Variants in CNTN5 observed in about 807,000 individuals in gnomAD.
CNTN5 encodes the protein contactin-5.
A neutral mutation model predicts 129.1 loss-of-function variants in CNTN5; 77 were observed. That is an observed-to-expected ratio of 0.60 (90% confidence interval 0.50 to 0.72). The LOEUF is 0.72. CNTN5 is among the 30% of genes least tolerant of loss of function. CNTN5 has a pLI of 0.00. For synonymous variants in CNTN5, 509 were observed against 465.6 expected, an observed-to-expected ratio of 1.09 and a Z score of -1.20; for missense variants, 1,478 against 1,328.8, an observed-to-expected ratio of 1.11 and a Z score of -1.75.
chr11:100,251,367 G>C (rs1017110661), intron 16 of CNTN5, among the ~76,000 whole-genome samples: 3 of 152,098 alleles, frequency 2.0e-5, no homozygotes, highest in African/African-American at 7.2e-5. Flanking sequence ...ACTGTACAGT[G>C]ATCAGATCAA....
intron 3 of CNTN5, among the ~76,000 whole-genome samples, chr11:99,731,983 T>A (rs73552039): frequency 0.056 from 8,577 of 152,248 alleles, 596 homozygotes; most frequent in African/African-American, 0.16. Context: ...TGTATATAAA[T>A]GCCCATTTGA....
intron 2 of CNTN5, among the ~76,000 whole-genome samples, chr11:99,343,305 G>C (rs1015674920): frequency 2.0e-5 from 3 of 152,220 alleles, no homozygotes; most frequent in African/African-American, 7.2e-5. Flanking sequence ...GAATAGGTAT[G>C]TGTTGCTCCA....
At chr11:99,159,652 A>G (rs1008269137) in intron 1 of CNTN5, among the ~76,000 whole-genome samples, 8 of 152,184 alleles carry the variant, frequency 5.3e-5, no homozygotes, top group Middle Eastern at 3.2e-3. Flanking sequence ...AATAAAGTAT[A>G]GTAATCTAAA....
chr11:99,239,880 T>C (rs1398125078), intron 1 of CNTN5, among the ~76,000 whole-genome samples: 2 of 144,656 alleles, frequency 1.4e-5, no homozygotes, highest in Non-Finnish European at 3.0e-5. Flanking sequence ...GAGCTTGCAG[T>C]GAGCCGAGAT....
intron 2 of CNTN5, among the ~76,000 whole-genome samples, chr11:99,428,275 TA>T (rs1452530582): frequency 6.6e-6 from 1 of 152,072 alleles, no homozygotes; most frequent in African/African-American, 2.4e-5. Context: ...AAAAAGGCTT[TA>T]CAGCTGAATA....
chr11:100,030,500 G>T lies in CNTN5; in HGVS notation c.980+28364G>T, dbSNP rs562551050. On this transcript the variant is annotated intron_variant, in intron 9 of 24. Transcript: ENST00000524871. The stretch of plus-strand genomic sequence containing the variant: ...CATGGCATTTTTACCACCTGACCCC[G>T]TTAAGCTGTGCCATAGATATGCACA... 5.3e-5 allele frequency among the ~76,000 whole-genome samples: 8 copies of T among 152,222 alleles called. No homozygotes were observed. The East Asian group carries it at 1.4e-3, about 26-fold the overall frequency.
At chr11:99,670,127 T>C (rs1019738881) in intron 3 of CNTN5, among the ~76,000 whole-genome samples, 1 of 152,102 alleles carries the variant, frequency 6.6e-6, no homozygotes, top group Non-Finnish European at 1.5e-5. Context: ...GGAAATACCA[T>C]TAAACATGTT....
intron 1 of CNTN5, among the ~76,000 whole-genome samples, chr11:99,253,897 T>TTTTATATATATATA (rs376157994): frequency 5.7e-4 from 79 of 139,048 alleles, no homozygotes; most frequent in African/African-American, 2.1e-3. Flanking sequence ...AAATATACGT[T>TTTTATATATATATA]TATATATATA....
intron 17 of CNTN5, among the ~76,000 whole-genome samples, chr11:100,268,871 G>T (rs1334585451): frequency 6.6e-6 from 1 of 152,140 alleles, no homozygotes; most frequent in Non-Finnish European, 1.5e-5. Context: ...GAAAGCAATT[G>T]TCATTCCCCG....
chr11:99,581,090 C>T (rs1460406158), intron 3 of CNTN5, among the ~76,000 whole-genome samples: 5 of 126,764 alleles, frequency 3.9e-5, no homozygotes, highest in Non-Finnish European at 3.4e-5. Context: ...TCATTATGTA[C>T]CCAGTAGTCA....
At chr11:99,977,186 A>G (rs1270058945) in intron 8 of CNTN5, among the ~76,000 whole-genome samples, 3 of 152,176 alleles carry the variant, frequency 2.0e-5, no homozygotes, top group Non-Finnish European at 2.9e-5. Flanking sequence ...CCAGTTCTCA[A>G]TAAGTTCCTC....
intron 6 of CNTN5, among the ~76,000 whole-genome samples, chr11:99,876,697 T>C (rs11221728): frequency 0.18 from 26,871 of 152,138 alleles, 2,464 homozygotes; most frequent in South Asian, 0.27. Flanking sequence ...CTTAGCAAAC[T>C]TTCTTACATG....
At chr11:99,903,586 G>A (rs543329049) in intron 6 of CNTN5, among the ~76,000 whole-genome samples, 33 of 152,258 alleles carry the variant, frequency 2.2e-4, no homozygotes, top group Non-Finnish European at 4.4e-4. Flanking sequence ...GCTGTTCTAA[G>A]TAGAGTCTAG....
In CNTN5 at chr11:99,556,184, A is replaced by G; in HGVS notation, c.-31A>G. ...AAGAAACACCAGAGCTGTTAAACAC[A>G]TTGAGACACAGAAGATTCTAGTGAC... On this transcript the variant is annotated 5_prime_UTR_variant, in exon 3 of 25. Coordinates refer to ENST00000524871, the MANE Select transcript of CNTN5 (RefSeq NM_014361.4). 7.0e-7 allele frequency: 1 copy of G among 1,420,978 alleles called. No homozygotes were observed. The highest frequency in any genetic ancestry group is 9.5e-7 in the Non-Finnish European group (1 of 1,048,182). The allele number at this position is 1,420,978 out of a possible 1,614,324, so 88.0% of individuals were successfully genotyped here. A position where few individuals can be genotyped will look rare whatever the true frequency, so the allele number is the denominator to read the frequency against.
chr11:100,133,671 G>A (rs965083098), intron 13 of CNTN5, among the ~76,000 whole-genome samples: 1 of 152,006 alleles, frequency 6.6e-6, no homozygotes, highest in Admixed American at 6.6e-5. Context: ...CCCTCCACAC[G>A]TATTTATTGA....
At chr11:100,318,423 A>G (rs552574369) in intron 21 of CNTN5, among the ~76,000 whole-genome samples, 10 of 152,088 alleles carry the variant, frequency 6.6e-5, no homozygotes, top group South Asian at 4.1e-4. Context: ...CAGAGCATCC[A>G]CGCAAAAATA....
chr11:99,356,190 C>CA (rs1565516507), intron 2 of CNTN5, among the ~76,000 whole-genome samples: 2 of 79,094 alleles, frequency 2.5e-5, no homozygotes, highest in Non-Finnish European at 5.0e-5. Context: ...CCTTAACCAC[C>CA]CCCCCCCAAC....
At position 100,072,990 on chromosome 11, in the gene CNTN5, CAAA is replaced by C. The variant is rs61042118; in HGVS notation, c.1430-1135_1430-1133del. On this transcript the variant is annotated intron_variant, in intron 12 of 24. Transcript: ENST00000524871. ...TTTTGTAAATTCTATTCCCAGGAGG[CAAA>C]AAAAAAAAAAAAAAAAAAGTTACTT... Among the ~76,000 whole-genome samples, 204 of 79,066 alleles carry C rather than the reference CAAA, an allele frequency of 2.6e-3. 2 individuals carry two copies. The highest frequency in any genetic ancestry group is 5.5e-3 in the East Asian group (11 of 2,002). The allele number at this position is 79,066 out of a possible 152,430, so 51.9% of individuals were successfully genotyped here. A position where few individuals can be genotyped will look rare whatever the true frequency, so the allele number is the denominator to read the frequency against.
chr11:100,108,332 G>A (rs1387567398), intron 13 of CNTN5, among the ~76,000 whole-genome samples: 1 of 152,076 alleles, frequency 6.6e-6, no homozygotes, highest in Non-Finnish European at 1.5e-5. Context: ...AACATGTATG[G>A]GCTACATGGA....
Sources: allele counts gnomAD v4.1 joint callset (sites outside exome capture counted in the v4.1 genomes callset), GRCh38; gene constraint gnomAD v4.1.1; transcripts MANE v1.5; gene names NCBI Gene and HGNC (gene_info 2026-07-23, HGNC 2026-07-21).